The following TNR variants were observed in gnomAD, a reference collection of about 807,000 sequenced individuals.
TNR encodes tenascin R, also known as tenascin-R.
Under a neutral mutation model 150.4 loss-of-function variants are expected in TNR, and 45 were observed. That is an observed-to-expected ratio of 0.30 (90% confidence interval 0.24 to 0.38). The LOEUF is 0.38. Ranked by LOEUF, TNR falls within the 10% of genes least tolerant of loss-of-function variation. The pLI is 1.00. For missense variants in TNR, 1,544 were observed against 1,759.1 expected, an observed-to-expected ratio of 0.88 and a Z score of 2.19; for synonymous variants, 687 against 678.4, an observed-to-expected ratio of 1.01 and a Z score of -0.20.
intron 1 of TNR, among the ~76,000 whole-genome samples, chr1:175,721,501 A>G (rs778346162): frequency 3.9e-5 from 6 of 152,078 alleles, no homozygotes; most frequent in Admixed American, 1.3e-4. Flanking sequence ...ATCTGTCGCC[A>G]TTCCACCCAG....
chr1:175,366,426 T>A (rs1651844608), intron 10 of TNR, among the ~76,000 whole-genome samples: 1 of 152,222 alleles, frequency 6.6e-6, no homozygotes, highest in African/African-American at 2.4e-5. Context: ...GCTCGCCATA[T>A]TCATTTTCTC....
intron 1 of TNR, among the ~76,000 whole-genome samples, chr1:175,622,562 T>G (rs1664015014): frequency 6.6e-6 from 1 of 152,232 alleles, no homozygotes; most frequent in Admixed American, 6.5e-5. Flanking sequence ...ACCCTGTCCT[T>G]TGCCAACTCC....
chr1:175,603,797 C>A (rs940549494), intron 1 of TNR, among the ~76,000 whole-genome samples: 1 of 152,178 alleles, frequency 6.6e-6, no homozygotes, highest in Non-Finnish European at 1.5e-5. Context: ...CTTCCTCTGG[C>A]CTCTCACTGC....
chr1:175,437,573 A>T (rs1201811871), intron 2 of TNR, among the ~76,000 whole-genome samples: 1 of 152,246 alleles, frequency 6.6e-6, no homozygotes, highest in Non-Finnish European at 1.5e-5. Flanking sequence ...CCTTCAAAAA[A>T]TCAATGAATT....
chr1:175,416,036 T>C (rs1375297849), intron 2 of TNR, among the ~76,000 whole-genome samples: 1 of 152,142 alleles, frequency 6.6e-6, no homozygotes, highest in Non-Finnish European at 1.5e-5. Context: ...CTATGATAAA[T>C]AGAAACCTAA....
chr1:175,542,777 A>T (rs1414037719), intron 1 of TNR, among the ~76,000 whole-genome samples: 1 of 152,250 alleles, frequency 6.6e-6, no homozygotes, highest in East Asian at 1.9e-4. Flanking sequence ...ATATACACAC[A>T]CATATAATTT....
chr1:175,551,255 A>G (rs928973920), intron 1 of TNR, among the ~76,000 whole-genome samples: 8 of 152,220 alleles, frequency 5.3e-5, no homozygotes, highest in Non-Finnish European at 1.2e-4. Flanking sequence ...ATTCTGAGTG[A>G]AAACAATTTT....
rs112938501 is a variant in TNR, at chr1:175,435,598, G to A, written c.-63-28821C>T. Among the ~76,000 whole-genome samples, 436 of 152,318 alleles carry A rather than the reference G, an allele frequency of 2.9e-3. 4 individuals carry two copies. The highest frequency in any genetic ancestry group is 0.01 in the African/African-American group (426 of 41,568). ...GATGTAAATTTGGTGAATATTCATG[G>A]AAATGAGCGGCGTGAGTGTAGGAGG... On this transcript the variant is annotated intron_variant, in intron 2 of 22. Transcript: ENST00000367674.
chr1:175,336,624 G>A (rs1240275833), intron 19 of TNR, among the ~76,000 whole-genome samples: 1 of 152,228 alleles, frequency 6.6e-6, no homozygotes, highest in Non-Finnish European at 1.5e-5. Flanking sequence ...CCCTCACTCT[G>A]TATTGCCCTA....
chr1:175,584,255 C>A (rs760532442), intron 1 of TNR, among the ~76,000 whole-genome samples: 11 of 152,126 alleles, frequency 7.2e-5, no homozygotes, highest in Non-Finnish European at 1.2e-4. Flanking sequence ...CAGATGCAGA[C>A]ATGACAGAGG....
chr1:175,387,852 C>T (rs1336299199), intron 7 of TNR, among the ~76,000 whole-genome samples: 1 of 152,204 alleles, frequency 6.6e-6, no homozygotes, highest in Non-Finnish European at 1.5e-5. Context: ...TCCCTGGGTA[C>T]CCCTCCCTCT....
At chr1:175,445,815 C>T (rs896357612) in intron 2 of TNR, among the ~76,000 whole-genome samples, 1 of 152,160 alleles carries the variant, frequency 6.6e-6, no homozygotes, top group African/African-American at 2.4e-5. Context: ...TGCAGTTGTA[C>T]GTTGTATCTG....
intron 1 of TNR, among the ~76,000 whole-genome samples, chr1:175,641,213 G>T (rs567778563): frequency 3.3e-5 from 5 of 152,130 alleles, no homozygotes; most frequent in African/African-American, 1.2e-4. Context: ...ATACCCTGGG[G>T]TCATACATAC....
rs72725421 is a variant in TNR at position 175,472,578 on chromosome 1, G to A, written c.-64+55691C>T. Among the ~76,000 whole-genome samples, 235 of 152,274 alleles carry A rather than the reference G, an allele frequency of 1.5e-3. 1 individual carries two copies. The highest frequency in any genetic ancestry group is 3.4e-3 in the Middle Eastern group (1 of 294). ...GCTACAACATCATGACAGCTACTACGTCACTAGAGGATAGGAATTTTTCAG... is the reference window on the plus strand; with the variant it reads ...GCTACAACATCATGACAGCTACTACATCACTAGAGGATAGGAATTTTTCAG... On this transcript the variant is annotated intron_variant, in intron 2 of 22. Coordinates refer to ENST00000367674, the MANE Select transcript of TNR (RefSeq NM_003285.3).
chr1:175,641,448 G>T (rs1477270168), intron 1 of TNR, among the ~76,000 whole-genome samples: 1 of 152,174 alleles, frequency 6.6e-6, no homozygotes, highest in African/African-American at 2.4e-5. Flanking sequence ...TATCCTAAGT[G>T]TCCTTATAGG....
chr1:175,579,199 TC>T, intron 1 of TNR, among the ~76,000 whole-genome samples: 1 of 150,884 alleles, frequency 6.6e-6, no homozygotes, highest in South Asian at 2.1e-4. Context: ...CTTCCTTCCT[TC>T]CTTCCTTCTT....
Position 175,391,298 on chromosome 1 carries a change from G to T in TNR, c.1497C>A (p.Ser499Arg). The change falls in exon 7 of 23, where the codon AGC becomes AGA. Residue 499 changes from serine to arginine, a missense_variant. By Grantham distance (110) the Ser-to-Arg change is moderately radical. Transcript: ENST00000367674. ...GTTGGAGGCACTCACCTGTGGAGAC[G>T]CTGGCCGAGGTAGGGGGGCTGCGGG... ...EQARSPPTSASVSTVIDGPTQ... is the reference protein window; with the variant it reads ...EQARSPPTSARVSTVIDGPTQ... 6.2e-7 allele frequency: 1 copy of T among 1,613,776 alleles called. No homozygotes were observed. The highest frequency in any genetic ancestry group is 1.3e-5 in the African/African-American group (1 of 75,016).
At chr1:175,340,776 C>T (rs953037519) in intron 18 of TNR, among the ~76,000 whole-genome samples, 1 of 152,214 alleles carries the variant, frequency 6.6e-6, no homozygotes, top group Non-Finnish European at 1.5e-5. Context: ...AGCAATGCCT[C>T]AGAGGAGCCC....
intron 5 of TNR, among the ~76,000 whole-genome samples, chr1:175,394,421 A>G (rs1653327613): frequency 1.3e-5 from 2 of 152,222 alleles, no homozygotes; most frequent in African/African-American, 4.8e-5. Context: ...TTCCTTGATC[A>G]TCTGATGCAC....
Sources: gnomAD v4.1 joint callset for allele counts (sites outside exome capture counted in the v4.1 genomes callset) on GRCh38, gnomAD v4.1.1 for gene constraint, MANE v1.5 for transcripts, NCBI Gene and HGNC (gene_info 2026-07-23, HGNC 2026-07-21) for gene names.